PDE3B: variants seen among roughly 807,000 people sequenced by gnomAD.
PDE3B encodes cGMP-inhibited 3',5'-cyclic phosphodiesterase 3B.
In PDE3B, 66 loss-of-function variants were observed where a neutral mutation model predicts 116.8. That is an observed-to-expected ratio of 0.56 (90% CI 0.46 to 0.69). The LOEUF is 0.69. Ranked by LOEUF, PDE3B falls within the 30% of genes least tolerant of loss-of-function variation. PDE3B has a pLI of 0.00. For synonymous variants in PDE3B, 595 were observed against 533.6 expected, an observed-to-expected ratio of 1.12 and a Z score of -1.59; for missense variants, 1,384 against 1,368.1, an observed-to-expected ratio of 1.01 and a Z score of -0.18.
chr11:14,863,892 T>G (rs1251969826), intron 14 of PDE3B, among the ~76,000 whole-genome samples: 2 of 152,036 alleles, frequency 1.3e-5, no homozygotes, highest in East Asian at 3.9e-4. Context: ...AGAAACCACA[T>G]CAACTAACGG....
chr11:14,780,607 G>T (rs985384864), intron 2 of PDE3B, among the ~76,000 whole-genome samples: 42 of 152,038 alleles, frequency 2.8e-4, no homozygotes, highest in African/African-American at 8.2e-4. Flanking sequence ...AAGATGGTCT[G>T]TGAAACCAAC....
chr11:14,839,509 G>T (rs922956005), intron 11 of PDE3B, among the ~76,000 whole-genome samples: 6 of 152,200 alleles, frequency 3.9e-5, no homozygotes, highest in Non-Finnish European at 7.3e-5. Flanking sequence ...ATGTAATCAG[G>T]TGGTTACTCT....
intron 1 of PDE3B, among the ~76,000 whole-genome samples, chr11:14,730,586 C>T (rs1353157928): frequency 1.3e-5 from 2 of 152,176 alleles, no homozygotes; most frequent in Non-Finnish European, 2.9e-5. Context: ...ACGTTTCAGG[C>T]CATTTCAACC....
intron 12 of PDE3B, among the ~76,000 whole-genome samples, chr11:14,856,062 T>G (rs1847843567): frequency 6.6e-6 from 1 of 152,238 alleles, no homozygotes; most frequent in African/African-American, 2.4e-5. Context: ...GGCAGGGCCC[T>G]GGTGTGAGGT....
At chr11:14,754,079 T>G (rs1312886026) in intron 1 of PDE3B, among the ~76,000 whole-genome samples, 2 of 151,976 alleles carry the variant, frequency 1.3e-5, no homozygotes, top group East Asian at 3.8e-4. Context: ...CAAAGGAATA[T>G]GAGTATGTGA....
In PDE3B at chr11:14,644,243, C is replaced by T; in HGVS notation, c.168C>T (p.Asn56=). ...TCTTCCACCTCTGCCGCTTCTGCAA[C>T]GTGGAGCTGCGGCCGCCGCCGGCCT... ...GFFFHLCRFC[N]VELRPPPASP... The change falls in exon 1 of 16, where the codon AAC becomes AAT. Residue 56 remains asparagine, a synonymous_variant. Transcript: ENST00000282096. 6.3e-7 allele frequency: 1 copy of T among 1,578,530 alleles called. No homozygotes were observed. The highest frequency in any genetic ancestry group is 8.5e-7 in the Non-Finnish European group (1 of 1,169,784).
intron 1 of PDE3B, among the ~76,000 whole-genome samples, chr11:14,660,121 G>C (rs1853845777): frequency 6.6e-6 from 1 of 152,104 alleles, no homozygotes; most frequent in Admixed American, 6.5e-5. Context: ...TTCCAGACTT[G>C]GCTGTAACCC....
intron 1 of PDE3B, among the ~76,000 whole-genome samples, chr11:14,757,308 G>GTA (rs1398637818): frequency 1.3e-5 from 2 of 148,552 alleles, no homozygotes; most frequent in South Asian, 4.3e-4. Context: ...AGTCCTTTGG[G>GTA]TATATACCCA....
chr11:14,736,256 C>T (rs1856595327), intron 1 of PDE3B, among the ~76,000 whole-genome samples: 1 of 151,968 alleles, frequency 6.6e-6, no homozygotes, highest in Non-Finnish European at 1.5e-5. Context: ...AGTTAAGAGC[C>T]AAAAAGAGAA....
intron 1 of PDE3B, among the ~76,000 whole-genome samples, chr11:14,714,285 T>G (rs753240711): frequency 4.6e-5 from 7 of 152,098 alleles, no homozygotes; most frequent in Non-Finnish European, 8.8e-5. Flanking sequence ...GTTTGCAAAG[T>G]GAATATGATG....
intron 1 of PDE3B, among the ~76,000 whole-genome samples, chr11:14,759,810 G>T (rs1446151240): frequency 1.3e-5 from 2 of 152,066 alleles, no homozygotes; most frequent in East Asian, 3.9e-4. Context: ...GCCTCCCAAA[G>T]TGCTGGGATT....
intron 4 of PDE3B, among the ~76,000 whole-genome samples, chr11:14,794,099 G>A (rs938817936): frequency 8.5e-5 from 13 of 152,102 alleles, no homozygotes; most frequent in South Asian, 4.1e-4. Context: ...AACTTTTGAC[G>A]TCTCTTGTTC....
At chr11:14,723,845 A>G (rs1856199514) in intron 1 of PDE3B, among the ~76,000 whole-genome samples, 1 of 152,160 alleles carries the variant, frequency 6.6e-6, no homozygotes, top group Non-Finnish European at 1.5e-5. Context: ...AAGGGCAACA[A>G]GGTTATAGCA....
chr11:14,726,693 G>T (rs2133849548), intron 1 of PDE3B, among the ~76,000 whole-genome samples: 2 of 152,286 alleles, frequency 1.3e-5, no homozygotes, highest in Middle Eastern at 6.8e-3. Flanking sequence ...ACACAGCTTT[G>T]TTGGATAATG....
At chr11:14,742,283 G>A (rs905666300) in intron 1 of PDE3B, among the ~76,000 whole-genome samples, 2 of 151,976 alleles carry the variant, frequency 1.3e-5, no homozygotes, top group African/African-American at 2.4e-5. Context: ...GGCTTTGTTC[G>A]TTCCTTTTCA....
intron 1 of PDE3B, among the ~76,000 whole-genome samples, chr11:14,655,959 A>T (rs1174030692): frequency 2.0e-5 from 3 of 152,204 alleles, no homozygotes; most frequent in Admixed American, 1.3e-4. Context: ...AAGATGTTGG[A>T]AGATTTTCAG....
intron 12 of PDE3B, among the ~76,000 whole-genome samples, chr11:14,851,359 T>G (rs1847747834): frequency 6.6e-6 from 1 of 152,134 alleles, no homozygotes; most frequent in African/African-American, 2.4e-5. Context: ...CCATTTTCTG[T>G]TTTTCTTTTT....
intron 1 of PDE3B, among the ~76,000 whole-genome samples, chr11:14,683,708 G>C (rs1182933818): frequency 2.0e-5 from 3 of 151,216 alleles, no homozygotes; most frequent in African/African-American, 4.9e-5. Flanking sequence ...TTTTCTGCTT[G>C]CTTTAGGTTT....
chr11:14,877,124 A>G, the PDE3B span, among the ~76,000 whole-genome samples: 1 of 152,154 alleles, frequency 6.6e-6, no homozygotes, highest in East Asian at 1.9e-4. Flanking sequence ...AGAAATGATG[A>G]TGTAAAAATA....
Sources: allele counts gnomAD v4.1 joint callset (sites outside exome capture counted in the v4.1 genomes callset), GRCh38; gene constraint gnomAD v4.1.1; transcripts MANE v1.5; gene names NCBI Gene and HGNC (gene_info 2026-07-23, HGNC 2026-07-21).